PKNOX1: variants seen among roughly 807,000 people sequenced by gnomAD.
PKNOX1 encodes the protein PBX/knotted 1 homeobox 1, also known as homeobox protein PKNOX1.
In PKNOX1, 15 loss-of-function variants were observed where a neutral mutation model predicts 51.9. That is an observed-to-expected ratio of 0.29 (90% CI 0.19 to 0.45). PKNOX1 has a LOEUF of 0.45. Among genes scored for constraint, PKNOX1 ranks in the 20% least tolerant of loss-of-function variants. PKNOX1 has a pLI of 1.00. For synonymous variants in PKNOX1, 219 were observed against 211.1 expected (o/e 1.04, Z -0.32); for missense variants, 462 against 547.5 (o/e 0.84, Z 1.56).
In PKNOX1 at chr21:43,016,910, G is replaced by A; in HGVS notation, c.525G>A (p.Gln175=). The A allele has an allele frequency of 3.8e-6, 6 of 1,599,118 alleles. No homozygotes were observed. The highest frequency in any genetic ancestry group is 5.1e-6 in the Non-Finnish European group (6 of 1,168,602). Residue 175 remains glutamine (Q), a splice_region_variant and synonymous_variant, in exon 6 of 11, where the codon CAG becomes CAA. Transcript: ENST00000291547. ...GSPYSPVQSQ[Q]IQSAITGTIS... ...AACATGTGTGTTCTGACTTGCAGCA[G>A]ATTCAAAGTGCCATCACAGGCACCA...
intron 7 of PKNOX1, among the ~76,000 whole-genome samples, chr21:43,018,535 G>A (rs1330689810): frequency 2.5e-5 from 3 of 119,964 alleles, no homozygotes; most frequent in African/African-American, 1.0e-4. Context: ...GAGTTATCCA[G>A]TGCTAACGTT....
chr21:42,977,308 C>T (rs1046249437), intron 1 of PKNOX1, among the ~76,000 whole-genome samples: 1 of 152,166 alleles, frequency 6.6e-6, no homozygotes, highest in Non-Finnish European at 1.5e-5. Context: ...GCACTGAGTT[C>T]TCTCTAGGTA....
rs376827813 is a variant in PKNOX1, at chr21:43,009,135, C to T, written c.180-918C>T. ...ATCGAGACAAGCCTGGCCAAAATGG[C>T]GAAATGTTGTCTCTACTAAAACAAA... is the stretch of plus-strand genomic sequence containing the variant. On this transcript the variant is annotated intron_variant, in intron 3 of 10. Coordinates refer to ENST00000291547, the MANE Select transcript of PKNOX1 (RefSeq NM_004571.5). 6.6e-5 allele frequency among the ~76,000 whole-genome samples: 10 copies of T among 152,174 alleles called. No homozygotes were observed. In the South Asian group the frequency reaches 8.3e-4, roughly 13 times the overall value.
chr21:43,004,913 G>A (rs1978922433), intron 2 of PKNOX1, among the ~76,000 whole-genome samples: 1 of 152,186 alleles, frequency 6.6e-6, no homozygotes, highest in African/African-American at 2.4e-5. Flanking sequence ...TGCTTGGATG[G>A]TTGTGCCATA....
intron 1 of PKNOX1, among the ~76,000 whole-genome samples, chr21:42,988,537 C>G (rs889878116): frequency 6.6e-6 from 1 of 152,162 alleles, no homozygotes. Context: ...AGAAATAGCT[C>G]TTAAATCACC....
intron 1 of PKNOX1, among the ~76,000 whole-genome samples, chr21:42,982,896 G>A (rs1167655017): frequency 3.3e-5 from 5 of 151,844 alleles, no homozygotes; most frequent in Non-Finnish European, 7.4e-5. Flanking sequence ...TGCAACCTCT[G>A]CCTCCCGGGT....
In PKNOX1 at chr21:42,990,350, C is replaced by T. The variant is rs975082316; in HGVS notation, c.-56-13976C>T. 2.0e-5 allele frequency among the ~76,000 whole-genome samples: 3 copies of T among 152,286 alleles called. No homozygotes were observed. The South Asian group carries it at 6.2e-4, about 32-fold the overall frequency. The stretch of plus-strand genomic sequence containing the variant: ...TCACAGCTGGGGTCTGGTCAGTCTG[C>T]ATAGTGGAGCACACTGCTAGGATGC... On this transcript the variant is annotated intron_variant, in intron 1 of 10. Coordinates refer to ENST00000291547, the MANE Select transcript of PKNOX1 (RefSeq NM_004571.5).
intron 1 of PKNOX1, among the ~76,000 whole-genome samples, chr21:42,976,788 A>G (rs392619): frequency 0.9 from 136,893 of 152,310 alleles, 61,645 homozygotes; most frequent in African/African-American, 0.91. Flanking sequence ...ACTCCTGTTA[A>G]TGTTATTTGA....
At chr21:43,020,371 GGAGGGAGACGCTGTGT>G (rs1458091308) in intron 7 of PKNOX1, 1 of 152,346 alleles carries the variant, frequency 6.6e-6, no homozygotes, top group African/African-American at 2.4e-5. Context: ...AGGCACCTGG[GGAGGGAGACGCTGTGT>G]GAGGGAGGCC....
chr21:43,028,160 A>G (rs1980063964), intron 9 of PKNOX1, among the ~76,000 whole-genome samples: 1 of 152,208 alleles, frequency 6.6e-6, no homozygotes, highest in Admixed American at 6.5e-5. Flanking sequence ...GAAAAGATGC[A>G]GCTCTTGCCT....
chr21:43,019,785 G>A (rs964775298), intron 7 of PKNOX1, among the ~76,000 whole-genome samples: 9 of 151,744 alleles, frequency 5.9e-5, no homozygotes, highest in Non-Finnish European at 1.2e-4. Context: ...CAAGCAGTCC[G>A]CCTGCCTCGG....
At position 43,032,019 on chromosome 21, in the gene PKNOX1, AC is replaced by A; in HGVS notation, c.*1921del. 1 of 369,496 alleles carries A rather than the reference AC, an allele frequency of 2.7e-6. No individual in the cohort carries two copies. The highest frequency in any genetic ancestry group is 2.0e-5 in the South Asian group (1 of 50,870). The allele number at this position is 369,496 out of a possible 1,614,324, so 22.9% of individuals were successfully genotyped here. Reference sequence around the variant, plus strand: ...TGGGATTACAGGCATGCGCCACCACACCCGGCTAATTTTGTATTTTTAGTAG... The same window carrying A: ...TGGGATTACAGGCATGCGCCACCACACCGGCTAATTTTGTATTTTTAGTAG... On this transcript the variant is annotated 3_prime_UTR_variant, in exon 11 of 11. Coordinates refer to ENST00000291547, the MANE Select transcript of PKNOX1 (RefSeq NM_004571.5).
intron 9 of PKNOX1, among the ~76,000 whole-genome samples, chr21:43,025,695 G>A (rs1261984409): frequency 6.6e-6 from 1 of 152,184 alleles, no homozygotes; most frequent in African/African-American, 2.4e-5. Context: ...TTATTCAGAT[G>A]TAGGAAACAG....
chr21:42,995,141 C>T (rs543255230), intron 1 of PKNOX1, among the ~76,000 whole-genome samples: 3 of 151,870 alleles, frequency 2.0e-5, no homozygotes, highest in Non-Finnish European at 4.4e-5. Context: ...AGGCTGGTCT[C>T]GAACTCCTGA....
At position 42,993,013 on chromosome 21, in the gene PKNOX1, G is replaced by A. The variant is rs548071954; in HGVS notation, c.-56-11313G>A. Among the ~76,000 whole-genome samples, 24 of 152,234 alleles carry A rather than the reference G, an allele frequency of 1.6e-4. 1 individual carries two copies. The South Asian group carries it at 4.3e-3, about 28-fold the overall frequency. ...CACAGCATGGGGCTTCCTGGTAGTC[G>A]GAGTGTCACTATGAACAAGATGGAA... On this transcript the variant is annotated intron_variant, in intron 1 of 10. Coordinates refer to ENST00000291547, the MANE Select transcript of PKNOX1 (RefSeq NM_004571.5).
At chr21:43,017,776 C>A (rs1241271215) in intron 6 of PKNOX1, 1 of 186,764 alleles carries the variant, frequency 5.4e-6, no homozygotes, top group African/African-American at 2.4e-5. Flanking sequence ...TGCCCACCCA[C>A]TGCTGCAGGT....
chr21:43,016,783 A>T (rs1425622320), intron 5 of PKNOX1, 125 bp from the exon 6 acceptor site: 4 of 581,906 alleles, frequency 6.9e-6, no homozygotes, highest in Admixed American at 6.1e-5. Context: ...TCATCTGAGG[A>T]TGTTCTTTCC....
rs1029992862 is a variant in PKNOX1, at chr21:43,031,146, T to G, written c.*1045T>G. 1.3e-5 allele frequency: 2 copies of G among 152,680 alleles called. No individual in the cohort carries two copies. The highest frequency in any genetic ancestry group is 4.8e-5 in the African/African-American group (2 of 41,464). The allele number at this position is 152,680 out of a possible 1,614,324, so 9.5% of individuals were successfully genotyped here. On this transcript the variant is annotated 3_prime_UTR_variant, in exon 11 of 11. Transcript: ENST00000291547. ...TTACCATGTTAGCTGTGTATTGTTT[T>G]AAAAGTTTTAACTTCAAAATATGTT...
At position 43,004,429 on chromosome 21, in the gene PKNOX1, A is replaced by G. The variant is rs766467439; in HGVS notation, c.48A>G (p.Gln16=). The G allele has an allele frequency of 3.1e-6, 5 of 1,601,888 alleles. No homozygotes were observed. The highest frequency in any genetic ancestry group is 1.7e-5 in the Admixed American group (1 of 59,992). ...TLSIDSYQDG[Q]QMQVVTELKT... is the part of the protein sequence containing the mutation. ...GTATAGACAGCTATCAAGATGGGCA[A>G]CAGGTGAGCTTGAACTTGATTCTGC... Residue 16 remains glutamine, a synonymous_variant, in exon 2 of 11, where the codon CAA becomes CAG. Coordinates refer to ENST00000291547, the MANE Select transcript of PKNOX1 (RefSeq NM_004571.5).
Sources: gnomAD v4.1 joint callset for allele counts (sites outside exome capture counted in the v4.1 genomes callset) on GRCh38, gnomAD v4.1.1 for gene constraint, MANE v1.5 for transcripts, NCBI Gene and HGNC (gene_info 2026-07-23, HGNC 2026-07-21) for gene names.